FREM1: variants seen among roughly 807,000 people sequenced by gnomAD.
FREM1 encodes the protein FRAS1 related extracellular matrix 1.
FREM1 carries 220 observed loss-of-function variants against 210.1 expected under a neutral mutation model. The ratio of observed to expected loss-of-function variants is 1.05; its 90% confidence interval spans 0.94 to 1.17. The LOEUF (loss-of-function observed/expected upper bound fraction) is 1.17. FREM1 is among the 50% of genes most tolerant of loss of function. The pLI, the probability that FREM1 is intolerant of heterozygous loss-of-function variation, is 0.00. For synonymous variants in FREM1, 1,189 were observed against 980.2 expected (o/e 1.21, Z -3.98); for missense variants, 3,454 against 2,675.5 (o/e 1.29, Z -6.42).
chr9:14,757,503 C>T (rs1428415866), intron 28 of FREM1, among the ~76,000 whole-genome samples: 1 of 151,836 alleles, frequency 6.6e-6, no homozygotes, highest in Non-Finnish European at 1.5e-5. Flanking sequence ...TGCAGTGAGC[C>T]GAGATGGTGC....
chr9:14,879,450 CTGTT>C (rs1834390219), intron 1 of FREM1, among the ~76,000 whole-genome samples: 1 of 152,132 alleles, frequency 6.6e-6, no homozygotes, highest in Non-Finnish European at 1.5e-5. Context: ...AAATCCATCA[CTGTT>C]TGTTTCATTA....
At chr9:14,898,960 A>G (rs1464745797) in intron 1 of FREM1, among the ~76,000 whole-genome samples, 1 of 152,212 alleles carries the variant, frequency 6.6e-6, no homozygotes, top group Non-Finnish European at 1.5e-5. Flanking sequence ...CATCACAAAA[A>G]TTAAAGTCTA....
intron 1 of FREM1, among the ~76,000 whole-genome samples, chr9:14,870,049 C>A (rs1474618476): frequency 6.6e-6 from 1 of 152,154 alleles, no homozygotes; most frequent in African/African-American, 2.4e-5. Flanking sequence ...AAGATTTTAT[C>A]TAAAGTAAAA....
chr9:14,874,332 T>C (rs1371018491), intron 1 of FREM1, among the ~76,000 whole-genome samples: 2 of 151,352 alleles, frequency 1.3e-5, no homozygotes, highest in Admixed American at 1.3e-4. Context: ...CAGGACTTGC[T>C]TTATGAATCT....
intron 5 of FREM1, among the ~76,000 whole-genome samples, chr9:14,857,038 C>G (rs189262086): frequency 6.7e-4 from 102 of 152,172 alleles, no homozygotes; most frequent in African/African-American, 2.2e-3. Context: ...TTGGAAGACG[C>G]AGGAGGTCTT....
chr9:14,812,722 T>A, intron 16 of FREM1, 90 bp downstream of exon 16: 1 of 1,338,356 alleles, frequency 7.5e-7, no homozygotes, highest in South Asian at 1.6e-5. Flanking sequence ...AAGTAACCAT[T>A]CTGACTGTTT....
At chr9:14,749,903 T>C (rs1843050147) in intron 30 of FREM1, among the ~76,000 whole-genome samples, 1 of 152,194 alleles carries the variant, frequency 6.6e-6, no homozygotes, top group Non-Finnish European at 1.5e-5. Context: ...AAAAAACAAC[T>C]ACGGCACTGA....
intron 1 of FREM1, among the ~76,000 whole-genome samples, chr9:14,903,549 C>T (rs1216134126): frequency 2.0e-5 from 3 of 152,098 alleles, no homozygotes; most frequent in African/African-American, 4.8e-5. Context: ...TTCAGGATTC[C>T]GTAAGACCTC....
chr9:14,900,875 G>A (rs1482872697), intron 1 of FREM1, among the ~76,000 whole-genome samples: 1 of 152,158 alleles, frequency 6.6e-6, no homozygotes, highest in Admixed American at 6.5e-5. Flanking sequence ...GGACTCTGGG[G>A]TCCTTGCACA....
At chr9:14,807,010 T>G (rs1225787042) in intron 17 of FREM1, among the ~76,000 whole-genome samples, 164 bp from the exon 18 acceptor site, 1 of 152,166 alleles carries the variant, frequency 6.6e-6, no homozygotes, top group African/African-American at 2.4e-5. Flanking sequence ...CTCTTTAAAG[T>G]GAAAATCTTG....
At chr9:14,884,779 T>C (rs1234796339) in intron 1 of FREM1, among the ~76,000 whole-genome samples, 1 of 152,152 alleles carries the variant, frequency 6.6e-6, no homozygotes, top group Non-Finnish European at 1.5e-5. Context: ...TCAATGGTAA[T>C]GACGTGCCTT....
intron 27 of FREM1, among the ~76,000 whole-genome samples, chr9:14,767,894 G>A (rs769983146): frequency 1.6e-4 from 25 of 152,080 alleles, no homozygotes; most frequent in Admixed American, 7.2e-4. Context: ...ATGAACAAAT[G>A]AACAAATTAC....
At chr9:14,841,884 A>C (rs1825755979) in intron 9 of FREM1, among the ~76,000 whole-genome samples, 1 of 152,242 alleles carries the variant, frequency 6.6e-6, no homozygotes, top group African/African-American at 2.4e-5. Context: ...CTAACTACTT[A>C]CTTGATCCCT....
chr9:14,852,766 C>G (rs1828011420), intron 5 of FREM1, among the ~76,000 whole-genome samples: 1 of 152,196 alleles, frequency 6.6e-6, no homozygotes, highest in South Asian at 2.1e-4. Context: ...GCTGAGAGAA[C>G]CAGGCTCAGT....
chr9:14,802,295 T>C (rs1181890690), intron 19 of FREM1, among the ~76,000 whole-genome samples: 1 of 152,230 alleles, frequency 6.6e-6, no homozygotes, highest in Non-Finnish European at 1.5e-5. Flanking sequence ...CTACAAGTCT[T>C]ACATTTCCAT....
chr9:14,788,919 CT>C lies in FREM1; in HGVS notation c.4176del (p.Gly1393ValfsTer20). 3 of 1,608,792 alleles carry C rather than the reference CT, an allele frequency of 1.9e-6. No homozygotes were observed. The highest frequency in any genetic ancestry group is 1.1e-5 in the South Asian group (1 of 89,760). ...DCQITIKDME[K>X]GDIVILTKPL... ...TAAACCTTGGTAGACGTGCTTTTAC[CT>C]TTTTCCATGTCCTTGATGGTGATTT... On this transcript the variant is annotated frameshift_variant and splice_region_variant, in exon 23 of 37. Coordinates refer to ENST00000380880, the MANE Select transcript of FREM1 (RefSeq NM_001379081.2). LOFTEE classifies it high-confidence loss of function.
intron 35 of FREM1, among the ~76,000 whole-genome samples, chr9:14,745,852 C>A (rs1842327173): frequency 6.6e-6 from 1 of 152,186 alleles, no homozygotes; most frequent in Non-Finnish European, 1.5e-5. Context: ...ACCCAGTGAG[C>A]CTTTGTCTTA....
At chr9:14,819,645 G>C (rs1182284240) in intron 13 of FREM1, among the ~76,000 whole-genome samples, 1 of 152,146 alleles carries the variant, frequency 6.6e-6, no homozygotes, top group Admixed American at 6.5e-5. Flanking sequence ...GCATTAATGT[G>C]TTACAAGGAA....
intron 10 of FREM1, among the ~76,000 whole-genome samples, chr9:14,828,551 T>C (rs1188420263): frequency 1.3e-5 from 2 of 150,208 alleles, no homozygotes; most frequent in Non-Finnish European, 2.9e-5. Context: ...TTTATTTTTT[T>C]GCATTGATGC....
Sources: allele counts gnomAD v4.1 joint callset (sites outside exome capture counted in the v4.1 genomes callset), GRCh38; gene constraint gnomAD v4.1.1; transcripts MANE v1.5; gene names NCBI Gene and HGNC (gene_info 2026-07-23, HGNC 2026-07-21).